JAK2: variants seen among roughly 807,000 people sequenced by gnomAD.
The protein encoded by JAK2 is Janus kinase 2.
Under a neutral mutation model 139.3 loss-of-function variants are expected in JAK2, and 86 were observed. The ratio of observed to expected loss-of-function variants is 0.62; its 90% confidence interval spans 0.52 to 0.74. The LOEUF (loss-of-function observed/expected upper bound fraction) is 0.74. Among genes scored for constraint, JAK2 ranks in the 30% least tolerant of loss-of-function variants. JAK2 has a pLI of 0.00. For missense variants in JAK2, 1,421 were observed against 1,360.3 expected, an observed-to-expected ratio of 1.04 and a Z score of -0.70; for synonymous variants, 490 against 437.7, an observed-to-expected ratio of 1.12 and a Z score of -1.49.
rs1452346502 is a variant in JAK2 at position 5,127,288 on chromosome 9, TACAA to T, written c.*503_*506del. ...TAATCTATAATTAATTACTTCACTA[TACAA>T]ACAAATTAAGATGTTCAGATAATTG... is the stretch of plus-strand genomic sequence containing the variant. On this transcript the variant is annotated 3_prime_UTR_variant, in exon 25 of 25. Coordinates refer to ENST00000381652, the MANE Select transcript of JAK2 (RefSeq NM_004972.4). 3 of 232,434 alleles carry T rather than the reference TACAA, an allele frequency of 1.3e-5. 1 individual carries two copies. Among genetic ancestry groups the T allele is most frequent in the South Asian group, 3.6e-4 (2 of 5,516 alleles). 14.4% of individuals were successfully genotyped at this position (232,434 alleles called of 1,614,324 possible). A position where few individuals can be genotyped will look rare whatever the true frequency, so the allele number is the denominator to read the frequency against.
At chr9:5,059,647 C>T (rs1420702558) in intron 8 of JAK2, among the ~76,000 whole-genome samples, 2 of 152,114 alleles carry the variant, frequency 1.3e-5, no homozygotes, top group Non-Finnish European at 2.9e-5. Context: ...GTAGTTCTAT[C>T]AGTTCACTCT....
chr9:4,996,184 T>A (rs1324899099), intron 2 of JAK2, among the ~76,000 whole-genome samples: 1 of 152,194 alleles, frequency 6.6e-6, no homozygotes, highest in Non-Finnish European at 1.5e-5. Flanking sequence ...GAGGGTCAAA[T>A]TTAGAATAAT....
chr9:5,126,608 G>A, intron 24 of JAK2, 76 bp from the exon 25 acceptor site: 1 of 1,101,306 alleles, frequency 9.1e-7, no homozygotes, highest in Non-Finnish European at 1.3e-6. Flanking sequence ...GCCCTGTATT[G>A]AAAATTAATG....
intron 8 of JAK2, among the ~76,000 whole-genome samples, chr9:5,059,862 G>A (rs527962799): frequency 6.6e-6 from 1 of 152,244 alleles, no homozygotes; most frequent in Admixed American, 6.5e-5. Context: ...TGAAGTGCCT[G>A]TGACAGTCTT....
intron 22 of JAK2, chr9:5,109,877 T>C (rs1001838172): frequency 1.3e-5 from 2 of 152,214 alleles, no homozygotes; most frequent in Non-Finnish European, 2.9e-5. Flanking sequence ...ACAAACTCTT[T>C]CAACTCTTTA....
intron 4 of JAK2, among the ~76,000 whole-genome samples, chr9:5,030,227 T>C (rs1252759503): frequency 1.3e-5 from 2 of 152,196 alleles, no homozygotes; most frequent in African/African-American, 4.8e-5. Flanking sequence ...TGCTGGTTTG[T>C]GCAGCGTTTT....
At chr9:5,026,359 A>T (rs1822781450) in intron 3 of JAK2, among the ~76,000 whole-genome samples, 1 of 152,244 alleles carries the variant, frequency 6.6e-6, no homozygotes, top group African/African-American at 2.4e-5. Flanking sequence ...GAATGCAAGT[A>T]TACTGTTTAA....
chr9:5,014,832 C>T (rs991405764), intron 2 of JAK2, among the ~76,000 whole-genome samples: 1 of 152,152 alleles, frequency 6.6e-6, no homozygotes, highest in African/African-American at 2.4e-5. Flanking sequence ...TTTGCACCTA[C>T]ATATGTGTTT....
In JAK2 at chr9:5,069,957, G is replaced by A; in HGVS notation, c.1546G>A (p.Gly516Ser). Reference protein sequence around the residue: ...KSNLLVFRTNGVSDVPTSPTL... With the variant: ...KSNLLVFRTNSVSDVPTSPTL... The stretch of plus-strand genomic sequence containing the variant: ...AAACCTTCTAGTCTTCAGAACGAAT[G>A]GTGTTTCTGATGTACCAACCTCACC... Residue 516 changes from glycine to serine, a missense_variant, in exon 12 of 25, where the codon GGT (glycine) becomes AGT (serine). By Grantham distance (56) the Gly-to-Ser change is moderately conservative. Transcript: ENST00000381652. The A allele has an allele frequency of 6.2e-7, 1 of 1,604,014 alleles. No homozygotes were observed. The highest frequency in any genetic ancestry group is 8.5e-7 in the Non-Finnish European group (1 of 1,172,610).
chr9:5,126,816 C>A lies in JAK2; in HGVS notation c.*25C>A. ...AAAGAAATGACCTTCATTCTGAGAC[C>A]AAAGTAGATTTACAGAACAAAGTTT... On this transcript the variant is annotated 3_prime_UTR_variant, in exon 25 of 25. Transcript: ENST00000381652. The A allele has an allele frequency of 7.1e-7, 1 of 1,418,364 alleles. No individual in the cohort carries two copies. The allele number at this position is 1,418,364 out of a possible 1,614,324, so 87.9% of individuals were successfully genotyped here.
chr9:5,050,889 G>T (rs938904337), intron 6 of JAK2, 58 bp downstream of exon 6: 24 of 1,427,154 alleles, frequency 1.7e-5, no homozygotes, highest in Non-Finnish European at 2.2e-5. Context: ...TATATAATTC[G>T]TATATATTTT....
In JAK2 at chr9:5,005,336, A is replaced by G. The variant is rs1447014632; in HGVS notation, c.-25-16627A>G. 3.3e-5 allele frequency among the ~76,000 whole-genome samples: 5 copies of G among 151,170 alleles called. No individual in the cohort carries two copies. In the East Asian group the frequency reaches 9.7e-4, roughly 29 times the overall value. On this transcript the variant is annotated intron_variant, in intron 2 of 24. Coordinates refer to ENST00000381652, the MANE Select transcript of JAK2 (RefSeq NM_004972.4). The stretch of plus-strand genomic sequence containing the variant: ...GTTTTCTTGCTTTTGAGTTGTTTGC[A>G]TTTCTTATCTATTTTGGATATTAAC...
At chr9:5,012,591 G>A (rs955072783) in intron 2 of JAK2, among the ~76,000 whole-genome samples, 23 of 152,064 alleles carry the variant, frequency 1.5e-4, no homozygotes, top group Admixed American at 3.9e-4. Flanking sequence ...AAATTATACC[G>A]TATGTATAAT....
intron 2 of JAK2, among the ~76,000 whole-genome samples, chr9:4,993,520 G>T (rs766684437): frequency 2.0e-5 from 3 of 152,174 alleles, no homozygotes; most frequent in Non-Finnish European, 4.4e-5. Flanking sequence ...TAATTCATTA[G>T]GTCAGGTATG....
chr9:5,029,864 A>G lies in JAK2; in HGVS notation c.308A>G (p.His103Arg), dbSNP rs770772508. The G allele has an allele frequency of 1.2e-6, 2 of 1,612,540 alleles. No individual in the cohort carries two copies. Among genetic ancestry groups the G allele is most frequent in the Admixed American group, 3.3e-5 (2 of 59,908 alleles). ...TGGTATCCACCCAACCATGTCTTCC[A>G]TATAGATGAGTCAACCAGGCATAAT... ...RIWYPPNHVF[H>R]IDESTRHNVL... The change falls in exon 4 of 25, where the codon CAT becomes CGT. Residue 103 changes from histidine (H) to arginine (R), a missense_variant. Coordinates refer to ENST00000381652, the MANE Select transcript of JAK2 (RefSeq NM_004972.4).
intron 4 of JAK2, chr9:5,041,087 G>A (rs1816468100): frequency 1.1e-5 from 8 of 709,746 alleles, no homozygotes; most frequent in Non-Finnish European, 2.0e-5. Context: ...ACCTACTACA[G>A]CCTGGAGGAC....
chr9:5,028,497 A>G (rs1822925756), intron 3 of JAK2, among the ~76,000 whole-genome samples: 1 of 152,248 alleles, frequency 6.6e-6, no homozygotes, highest in African/African-American at 2.4e-5. Context: ...CACTTGTTGC[A>G]TTAGCTCCTC....
intron 22 of JAK2, chr9:5,099,469 C>T (rs1358121783): frequency 2.6e-5 from 4 of 152,258 alleles, no homozygotes; most frequent in Admixed American, 2.0e-4. Flanking sequence ...CTTTATTCTC[C>T]ATTATTCAGT....
intron 2 of JAK2, among the ~76,000 whole-genome samples, chr9:5,010,908 T>C (rs1228709705): frequency 6.6e-6 from 1 of 152,194 alleles, no homozygotes; most frequent in African/African-American, 2.4e-5. Context: ...TTTTTCAGGA[T>C]TGTAGAATTC....
Sources: gnomAD v4.1 joint callset for allele counts (sites outside exome capture counted in the v4.1 genomes callset) on GRCh38, gnomAD v4.1.1 for gene constraint, MANE v1.5 for transcripts, NCBI Gene and HGNC (gene_info 2026-07-23, HGNC 2026-07-21) for gene names.